ATRNL1: variants seen among roughly 807,000 people sequenced by gnomAD.
ATRNL1 encodes the protein attractin like 1, also known as attractin-like protein 1.
A neutral mutation model predicts 182.7 loss-of-function variants in ATRNL1; 95 were observed. The observed-to-expected ratio is 0.52, with a 90% confidence interval of 0.44 to 0.62. The LOEUF (loss-of-function observed/expected upper bound fraction) is 0.62. ATRNL1 is among the 20% of genes least tolerant of loss of function. The pLI is 0.00. For missense variants in ATRNL1, 1,471 were observed against 1,679.5 expected, an observed-to-expected ratio of 0.88 and a Z score of 2.17; for synonymous variants, 576 against 568.3, an observed-to-expected ratio of 1.01 and a Z score of -0.19.
At chr10:115,308,436 A>C (rs781929075) in intron 17 of ATRNL1, among the ~76,000 whole-genome samples, 11 of 152,174 alleles carry the variant, frequency 7.2e-5, no homozygotes, top group Non-Finnish European at 1.3e-4. Flanking sequence ...ATAAGGTGTT[A>C]TCTCACAAAT....
At chr10:115,725,965 A>G (rs572269053) in intron 26 of ATRNL1, among the ~76,000 whole-genome samples, 7 of 152,302 alleles carry the variant, frequency 4.6e-5, no homozygotes, top group Admixed American at 1.3e-4. Context: ...ACTTCAAAAA[A>G]ATGTGATCTA....
chr10:115,331,962 T>C (rs1219609172), intron 18 of ATRNL1, among the ~76,000 whole-genome samples: 1 of 152,196 alleles, frequency 6.6e-6, no homozygotes, highest in Non-Finnish European at 1.5e-5. Context: ...TGGTGGGGCA[T>C]CCTCTCTGCC....
intron 5 of ATRNL1, among the ~76,000 whole-genome samples, chr10:115,152,549 T>C (rs1342696458): frequency 2.0e-5 from 3 of 152,192 alleles, no homozygotes; most frequent in African/African-American, 7.2e-5. Context: ...TGCTTGTGAT[T>C]TTTGCACATG....
intron 18 of ATRNL1, among the ~76,000 whole-genome samples, chr10:115,329,633 A>C (rs888181782): frequency 6.6e-6 from 1 of 151,916 alleles, no homozygotes; most frequent in Non-Finnish European, 1.5e-5. Context: ...GTAAGTATTG[A>C]CCTCATTTAT....
chr10:115,912,585 A>G (rs1457302990), intron 28 of ATRNL1, among the ~76,000 whole-genome samples: 1 of 152,096 alleles, frequency 6.6e-6, no homozygotes, highest in Admixed American at 6.6e-5. Flanking sequence ...TTAGGAATCT[A>G]CCTTAAGGAA....
At chr10:115,102,404 T>C (rs1463240475) in intron 1 of ATRNL1, among the ~76,000 whole-genome samples, 1 of 152,120 alleles carries the variant, frequency 6.6e-6, no homozygotes, top group Non-Finnish European at 1.5e-5. Context: ...TATTAATGTA[T>C]GTATGTACTT....
chr10:115,862,071 T>C (rs1158757190), intron 28 of ATRNL1, among the ~76,000 whole-genome samples: 5 of 152,224 alleles, frequency 3.3e-5, no homozygotes, highest in African/African-American at 1.2e-4. Flanking sequence ...TTCTGCTCCT[T>C]GGACCATCCA....
intron 10 of ATRNL1, among the ~76,000 whole-genome samples, chr10:115,255,151 G>GT (rs1564854726): frequency 6.6e-6 from 1 of 152,142 alleles, no homozygotes; most frequent in African/African-American, 2.4e-5. Context: ...CTTTAAAGTA[G>GT]TTTTTTCCAA....
intron 26 of ATRNL1, among the ~76,000 whole-genome samples, chr10:115,611,735 T>A (rs1857168424): frequency 6.6e-6 from 1 of 152,156 alleles, no homozygotes. Context: ...CTTTGAAACA[T>A]AATTTATAAT....
chr10:115,919,077 A>G (rs1306588187), intron 28 of ATRNL1, among the ~76,000 whole-genome samples: 1 of 152,210 alleles, frequency 6.6e-6, no homozygotes, highest in Non-Finnish European at 1.5e-5. Context: ...TAGGAAGAAG[A>G]AATACCACCA....
intron 27 of ATRNL1, among the ~76,000 whole-genome samples, chr10:115,801,919 T>C (rs1181845535): frequency 6.6e-6 from 1 of 151,808 alleles, no homozygotes; most frequent in African/African-American, 2.4e-5. Flanking sequence ...CAAACTTAAA[T>C]TATTATGTAG....
intron 25 of ATRNL1, among the ~76,000 whole-genome samples, chr10:115,546,381 G>A (rs979537843): frequency 6.6e-6 from 1 of 151,800 alleles, no homozygotes; most frequent in African/African-American, 2.4e-5. Flanking sequence ...TGGCCAACAT[G>A]GTGTAACCCC....
chr10:115,444,476 T>G (rs1239380296), intron 21 of ATRNL1, among the ~76,000 whole-genome samples: 1 of 152,066 alleles, frequency 6.6e-6, no homozygotes, highest in Non-Finnish European at 1.5e-5. Flanking sequence ...ATTAATTTCT[T>G]GGTAAACTGA....
chr10:115,848,306 C>G (rs1318453899), intron 28 of ATRNL1, among the ~76,000 whole-genome samples: 1 of 152,180 alleles, frequency 6.6e-6, no homozygotes, highest in Non-Finnish European at 1.5e-5. Flanking sequence ...CCACCATGTT[C>G]TAGACCCTTC....
At chr10:115,112,898 C>A (rs182855352) in intron 1 of ATRNL1, among the ~76,000 whole-genome samples, 202 of 152,238 alleles carry the variant, frequency 1.3e-3, no homozygotes, top group Admixed American at 2.7e-3. Context: ...AGTAAACTTT[C>A]CAATCTATGG....
chr10:115,265,268 T>C lies in ATRNL1; in HGVS notation c.1763T>C (p.Val588Ala). The change falls in exon 11 of 29, where the codon GTC becomes GCC. Residue 588 changes from valine (V) to alanine (A), a missense_variant. Val to Ala is a moderately conservative substitution (Grantham distance 64). Coordinates refer to ENST00000355044, the MANE Select transcript of ATRNL1 (RefSeq NM_207303.4). The part of the protein sequence containing the change: ...DVNRFGHSAV[V>A]INGSMYIFGG... ...AACAGATTTGGACACTCTGCAGTAG[T>C]CATTAACGGGTAAAAGAAGCACATT... is the stretch of plus-strand genomic sequence containing the variant. 1 of 1,597,476 alleles carries C rather than the reference T, an allele frequency of 6.3e-7. No homozygotes were observed. Among genetic ancestry groups the C allele is most frequent in the Non-Finnish European group, 8.5e-7 (1 of 1,170,238 alleles).
At chr10:115,187,394 A>G (rs1554888957) in intron 8 of ATRNL1, among the ~76,000 whole-genome samples, 1 of 152,136 alleles carries the variant, frequency 6.6e-6, no homozygotes, top group Non-Finnish European at 1.5e-5. Flanking sequence ...AGACAGAGAA[A>G]GGCTGAAAAA....
At chr10:115,360,407 T>G (rs1285550155) in intron 19 of ATRNL1, among the ~76,000 whole-genome samples, 2 of 151,810 alleles carry the variant, frequency 1.3e-5, no homozygotes, top group Non-Finnish European at 3.0e-5. Flanking sequence ...TCTCTCTTCA[T>G]GGCTTTCAGT....
At chr10:115,672,269 G>T (rs1385868962) in intron 26 of ATRNL1, among the ~76,000 whole-genome samples, 1 of 152,048 alleles carries the variant, frequency 6.6e-6, no homozygotes, top group African/African-American at 2.4e-5. Flanking sequence ...AAGCTCAGGG[G>T]TTAAGTGACT....
Sources: allele counts gnomAD v4.1 joint callset (sites outside exome capture counted in the v4.1 genomes callset), GRCh38; gene constraint gnomAD v4.1.1; transcripts MANE v1.5; gene names NCBI Gene and HGNC (gene_info 2026-07-23, HGNC 2026-07-21).